TENM1: variants seen among roughly 807,000 people sequenced by gnomAD.
TENM1 encodes the protein teneurin transmembrane protein 1.
TENM1 carries 35 observed loss-of-function variants against 174.8 expected under a neutral mutation model. That is an observed-to-expected ratio of 0.20 (90% CI 0.15 to 0.27). TENM1 has a LOEUF of 0.27. Ranked by LOEUF, TENM1 falls within the 10% of genes least tolerant of loss-of-function variation. The pLI, the probability that TENM1 is intolerant of heterozygous loss-of-function variation, is 1.00. For missense variants in TENM1, 1,633 were observed against 2,130.1 expected (o/e 0.77, Z 4.59); for synonymous variants, 781 against 798.7 (o/e 0.98, Z 0.37).
chrX:124,777,200 C>T (rs1036135919), intron 3 of TENM1, among the ~76,000 whole-genome samples: 1 of 111,484 alleles, frequency 9.0e-6, no homozygotes, highest in Non-Finnish European at 1.9e-5. Flanking sequence ...CTAATACTAA[C>T]TTTCTGCTTA....
intron 23 of TENM1, among the ~76,000 whole-genome samples, chrX:124,429,869 A>T (rs1165930628): frequency 8.9e-6 from 1 of 111,919 alleles, no homozygotes; most frequent in African/African-American, 3.2e-5. Context: ...AAATACCTCC[A>T]GACATTGCAA....
the TENM1 span, among the ~76,000 whole-genome samples, chrX:125,036,564 A>G: frequency 4.5e-5 from 5 of 111,707 alleles, no homozygotes; most frequent in Non-Finnish European, 9.4e-5. Flanking sequence ...TGGATCATCT[A>G]TAAGAATATT....
the TENM1 span, among the ~76,000 whole-genome samples, chrX:125,138,472 C>T: frequency 5.4e-5 from 6 of 111,577 alleles, no homozygotes; most frequent in African/African-American, 2.0e-4. Flanking sequence ...GTTGCCCTCT[C>T]ATTGTGTCTT....
intron 27 of TENM1, among the ~76,000 whole-genome samples, chrX:124,401,283 C>T (rs2060396696): frequency 8.9e-6 from 1 of 111,848 alleles, no homozygotes; most frequent in African/African-American, 3.3e-5. Context: ...ATGAACCTGT[C>T]ATTTTGTCCT....
intron 11 of TENM1, among the ~76,000 whole-genome samples, chrX:124,621,705 T>C (rs2050524883): frequency 1.8e-5 from 2 of 112,301 alleles, no homozygotes; most frequent in African/African-American, 6.5e-5. Flanking sequence ...TTTGAGATTT[T>C]GGAGCAGTTC....
chrX:125,181,898 A>G, the TENM1 span, among the ~76,000 whole-genome samples: 2 of 112,009 alleles, frequency 1.8e-5, no homozygotes, highest in Non-Finnish European at 3.8e-5. Context: ...TTCAGTAATC[A>G]TGATCAACAA....
intron 3 of TENM1, among the ~76,000 whole-genome samples, chrX:124,863,189 A>G (rs1369700675): frequency 9.1e-6 from 1 of 110,255 alleles, no homozygotes; most frequent in Non-Finnish European, 1.9e-5. Flanking sequence ...TCAGCACATG[A>G]TCAGCTGTGG....
chrX:124,585,152 C>T (rs2148229690), intron 11 of TENM1, among the ~76,000 whole-genome samples: 1 of 110,755 alleles, frequency 9.0e-6, no homozygotes, highest in East Asian at 2.8e-4. Context: ...ACAAGCATAC[C>T]CAGGAATTGA....
chrX:124,873,321 T>C (rs939121147), intron 3 of TENM1, among the ~76,000 whole-genome samples: 1 of 111,700 alleles, frequency 9.0e-6, no homozygotes, highest in African/African-American at 3.2e-5. Flanking sequence ...TTGTGAATAT[T>C]TTCAGAGAAA....
intron 23 of TENM1, among the ~76,000 whole-genome samples, chrX:124,423,105 G>A (rs900773899): frequency 8.9e-6 from 1 of 112,282 alleles, no homozygotes; most frequent in Non-Finnish European, 1.9e-5. Context: ...TCACTGTCCT[G>A]TAGACGTATA....
chrX:124,756,678 T>C (rs1156411868), intron 3 of TENM1, among the ~76,000 whole-genome samples: 1 of 111,120 alleles, frequency 9.0e-6, no homozygotes, highest in Non-Finnish European at 1.9e-5. Flanking sequence ...GGTGTGGATG[T>C]CCTTTCTGTT....
Position 124,787,197 on chromosome X carries a change from T to C in TENM1, c.536-50000A>G, listed in dbSNP as rs1306683171. 3.6e-5 allele frequency among the ~76,000 whole-genome samples: 4 copies of C among 111,929 alleles called. No homozygotes were observed. The East Asian group carries it at 1.1e-3, about 31-fold the overall frequency. On this transcript the variant is annotated intron_variant, in intron 3 of 31. Transcript: ENST00000422452. Reference sequence around the variant, plus strand: ...CAGAGGCATATTAATTGGAACTGATTTGAGGTCATCAGCTATAGTACTGCT... The same window carrying C: ...CAGAGGCATATTAATTGGAACTGATCTGAGGTCATCAGCTATAGTACTGCT...
chrX:125,199,106 T>C, the TENM1 span, among the ~76,000 whole-genome samples: 7 of 111,682 alleles, frequency 6.3e-5, no homozygotes, highest in African/African-American at 2.3e-4. Context: ...AAGTGTTTTA[T>C]TTTATTTTTT....
At chrX:124,408,853 T>C (rs1194100260) in intron 25 of TENM1, among the ~76,000 whole-genome samples, 3 of 74,071 alleles carry the variant, frequency 4.1e-5, no homozygotes, top group Non-Finnish European at 7.1e-5. Context: ...CAGAGTGTGA[T>C]GTTCCCCTTC....
chrX:124,621,488 C>G (rs2050519098), intron 11 of TENM1, among the ~76,000 whole-genome samples: 1 of 111,754 alleles, frequency 8.9e-6, no homozygotes, highest in African/African-American at 3.3e-5. Flanking sequence ...GAAAACAAAA[C>G]AAAACAAAAC....
rs2053809302 is a variant in TENM1, at chrX:124,741,930, A to AG, written c.536-4734_536-4733insC. Among the ~76,000 whole-genome samples the AG allele has an allele frequency of 1.1e-4, 12 of 112,501 alleles. 1 individual carries two copies. The highest frequency in any genetic ancestry group is 4.6e-3 in the Middle Eastern group (1 of 219). On this transcript the variant is annotated intron_variant, in intron 3 of 31. Coordinates refer to ENST00000422452, the Ensembl canonical transcript of TENM1. ...TTTGTCTTAAGTTCAAACTGTTCTC[A>AG]AACATCCCAATGGCAAAGGAAAAAA...
chrX:125,132,885 A>G, the TENM1 span, among the ~76,000 whole-genome samples: 3 of 112,214 alleles, frequency 2.7e-5, no homozygotes, highest in South Asian at 1.1e-3. Context: ...AATGAAGATG[A>G]TAATGTATAC....
chrX:124,885,329 C>T (rs1280682106), intron 3 of TENM1, among the ~76,000 whole-genome samples: 1 of 109,629 alleles, frequency 9.1e-6, no homozygotes, highest in Non-Finnish European at 1.9e-5. Context: ...ATTTTAGAAC[C>T]CAGTAATTTT....
At position 124,464,725 on chromosome X, in the gene TENM1, A is replaced by G. The variant is rs2061222548; in HGVS notation, c.3950-11234T>C. Among the ~76,000 whole-genome samples the G allele has an allele frequency of 2.7e-5, 3 of 112,400 alleles. No individual in the cohort carries two copies. In the South Asian group the frequency reaches 1.1e-3, roughly 42 times the overall value. On this transcript the variant is annotated intron_variant, in intron 22 of 31. Coordinates refer to ENST00000422452, the Ensembl canonical transcript of TENM1. The stretch of plus-strand genomic sequence containing the variant: ...GCATACACACACAGACACAGGCACA[A>G]ATATGACAGCGGAACAAAAAGCGAA...
Sources: allele counts gnomAD v4.1 joint callset (sites outside exome capture counted in the v4.1 genomes callset), GRCh38; gene constraint gnomAD v4.1.1; transcripts MANE v1.5; gene names NCBI Gene and HGNC (gene_info 2026-07-23, HGNC 2026-07-21).